SKP1: variants seen among roughly 807,000 people sequenced by gnomAD.
SKP1 encodes S-phase kinase-associated protein 1.
In SKP1, 1 loss-of-function variant was observed where a neutral mutation model predicts 21.5. The ratio of observed to expected loss-of-function variants is 0.05; its 90% CI spans 0.02 to 0.22. The LOEUF (loss-of-function observed/expected upper bound fraction) is 0.22. Ranked by LOEUF, SKP1 falls within the 10% of genes least tolerant of loss-of-function variation. SKP1 has a pLI of 1.00. For missense variants in SKP1, 70 were observed against 192.0 expected (o/e 0.36, Z 3.76); for synonymous variants, 59 against 59.3 (o/e 0.99, Z 0.03).
chr5:134,151,854 C>A lies in SKP1; in HGVS notation c.*5879G>T. 1 of 335,908 alleles carries A rather than the reference C, an allele frequency of 3.0e-6. No individual in the cohort carries two copies. The highest frequency in any genetic ancestry group is 2.3e-5 in the South Asian group (1 of 44,408). 20.8% of individuals were successfully genotyped at this position (335,908 alleles called of 1,614,324 possible). On this transcript the variant is annotated 3_prime_UTR_variant, in exon 6 of 6. Coordinates refer to ENST00000353411, the MANE Select transcript of SKP1 (RefSeq NM_170679.3). ...AGCCATCTATCACTCAAACTATGTC[C>A]CGCATTGGAAGTGTGTCAAGCAAGA...
chr5:134,170,421 GAC>G (rs1264273570), intron 2 of SKP1, among the ~76,000 whole-genome samples: 1 of 152,188 alleles, frequency 6.6e-6, no homozygotes, highest in Admixed American at 6.5e-5. Context: ...ACTTCTGAAA[GAC>G]ACTTGTATCC....
chr5:134,164,934 T>C (rs1761298341), intron 3 of SKP1, among the ~76,000 whole-genome samples: 2 of 152,066 alleles, frequency 1.3e-5, no homozygotes, highest in Admixed American at 1.3e-4. Context: ...ATAAGCCAGA[T>C]ACAAAAGGAC....
intron 1 of SKP1, among the ~76,000 whole-genome samples, chr5:134,174,291 A>C (rs1761498502): frequency 6.6e-6 from 1 of 152,252 alleles, no homozygotes; most frequent in Non-Finnish European, 1.5e-5. Context: ...AATTTAATAA[A>C]ACATACATAT....
At chr5:134,174,809 A>C (rs1358341215) in intron 1 of SKP1, 1 of 105,866 alleles carries the variant, frequency 9.4e-6, no homozygotes, top group African/African-American at 5.6e-5. Context: ...AGTTCTGGCA[A>C]AAAAAAAAAA....
chr5:134,174,525 G>C, intron 1 of SKP1: 2 of 940,380 alleles, frequency 2.1e-6, no homozygotes, highest in Non-Finnish European at 2.5e-6. Flanking sequence ...CTGAGGCAAT[G>C]CAAGACCATA....
At chr5:134,172,379 C>T (rs1013498960) in intron 2 of SKP1, among the ~76,000 whole-genome samples, 3 of 152,180 alleles carry the variant, frequency 2.0e-5, no homozygotes, top group Non-Finnish European at 4.4e-5. Flanking sequence ...CTAAAGAACA[C>T]TCAATACTAC....
intron 1 of SKP1, among the ~76,000 whole-genome samples, chr5:134,174,289 A>G (rs1761498414): frequency 1.3e-5 from 2 of 152,252 alleles, no homozygotes. Flanking sequence ...TAAATTTAAT[A>G]AAACATACAT....
intron 2 of SKP1, among the ~76,000 whole-genome samples, chr5:134,168,723 CAAGTAG>C (rs924430129): frequency 1.1e-4 from 17 of 151,950 alleles, no homozygotes; most frequent in African/African-American, 4.1e-4. Context: ...CAACAGATGG[CAAGTAG>C]AATGTGAAAA....
chr5:134,158,177 T>C (rs1043615857), intron 5 of SKP1: 6 of 1,390,694 alleles, frequency 4.3e-6, no homozygotes, highest in African/African-American at 1.5e-5. Flanking sequence ...GTATGGTCTA[T>C]ACAGAAAGTT....
intron 3 of SKP1, 162 bp from the exon 4 acceptor site, chr5:134,161,292 T>C (rs1341414576): frequency 1.7e-6 from 1 of 576,592 alleles, no homozygotes; most frequent in Non-Finnish European, 3.0e-6. Context: ...GAAGAATCAT[T>C]ATAACCCTAG....
chr5:134,169,266 T>C (rs1761393575), intron 2 of SKP1, among the ~76,000 whole-genome samples: 1 of 152,176 alleles, frequency 6.6e-6, no homozygotes, highest in South Asian at 2.1e-4. Context: ...ATAATTCATG[T>C]TATCTTGCAT....
At position 134,154,087 on chromosome 5, in the gene SKP1, A is replaced by G. The variant is rs1336415143; in HGVS notation, c.*3646T>C. 6.6e-6 allele frequency: 1 copy of G among 152,214 alleles called. No individual in the cohort carries two copies. Among genetic ancestry groups the G allele is most frequent in the Non-Finnish European group, 1.5e-5 (1 of 68,040 alleles). 9.4% of individuals were successfully genotyped at this position (152,214 alleles called of 1,614,324 possible). On this transcript the variant is annotated 3_prime_UTR_variant, in exon 6 of 6. Transcript: ENST00000353411. ...AACTGTAAAGCAGTATCTATTTTGT[A>G]TACCAAGAATAGATTAAGGCAAGCT...
In SKP1 at chr5:134,151,328, A is replaced by T. The variant is rs1386961370; in HGVS notation, c.*6405T>A. The T allele has an allele frequency of 6.6e-6, 1 of 152,484 alleles. No homozygotes were observed. Among genetic ancestry groups the T allele is most frequent in the Non-Finnish European group, 1.5e-5 (1 of 68,430 alleles). The allele number at this position is 152,484 out of a possible 1,614,324, so 9.4% of individuals were successfully genotyped here. A position where few individuals can be genotyped will look rare whatever the true frequency, so the allele number is the denominator to read the frequency against. On this transcript the variant is annotated 3_prime_UTR_variant, in exon 6 of 6. Transcript: ENST00000353411. ...AAAAATAAATAAATAAATAAATAAA[A>T]ATTTTTACAAAGCCACTCTGGAAAC...
chr5:134,163,292 A>AAAG (rs1323887866), intron 3 of SKP1, among the ~76,000 whole-genome samples: 1 of 151,476 alleles, frequency 6.6e-6, no homozygotes, highest in Non-Finnish European at 1.5e-5. Flanking sequence ...AAGGATATAT[A>AAAG]AAGAAACTAA....
intron 3 of SKP1, among the ~76,000 whole-genome samples, chr5:134,165,759 GC>G (rs1761318725): frequency 6.6e-6 from 1 of 151,824 alleles, no homozygotes; most frequent in African/African-American, 2.4e-5. Context: ...GGTGGCGAGT[GC>G]CTGTAATCCC....
At chr5:134,174,149 C>A in intron 1 of SKP1, 127 bp from the exon 2 acceptor site, 2 of 648,188 alleles carry the variant, frequency 3.1e-6, no homozygotes, top group South Asian at 1.9e-5. Flanking sequence ...CAATACATAA[C>A]CCTGTAAAGC....
rs1561715212 is a variant in SKP1, at chr5:134,150,329, A to G, written c.*7404T>C. 6.6e-6 allele frequency: 1 copy of G among 152,190 alleles called. No individual in the cohort carries two copies. Among genetic ancestry groups the G allele is most frequent in the Non-Finnish European group, 1.5e-5 (1 of 68,040 alleles). 9.4% of individuals were successfully genotyped at this position (152,190 alleles called of 1,614,324 possible). The stretch of plus-strand genomic sequence containing the variant: ...AGCTAGCTCAGAAGCACTGCACCCT[A>G]GCTTTGTTCAGTATACATAAGCCTG... On this transcript the variant is annotated 3_prime_UTR_variant, in exon 6 of 6. Transcript: ENST00000353411.
chr5:134,175,283 C>T (rs1761517924), intron 1 of SKP1: 1 of 152,236 alleles, frequency 6.6e-6, no homozygotes, highest in Admixed American at 6.5e-5. Context: ...AAATATCCTA[C>T]TCTCACTCAT....
intron 1 of SKP1, among the ~76,000 whole-genome samples, chr5:134,176,358 G>A (rs923393976): frequency 5.9e-5 from 9 of 152,118 alleles, no homozygotes; most frequent in Non-Finnish European, 1.3e-4. Flanking sequence ...TGGGAGCCAA[G>A]AACCGGGCGG....
Sources: gnomAD v4.1 joint callset for allele counts (sites outside exome capture counted in the v4.1 genomes callset) on GRCh38, gnomAD v4.1.1 for gene constraint, MANE v1.5 for transcripts, NCBI Gene and HGNC (gene_info 2026-07-23, HGNC 2026-07-21) for gene names.